The following PRRX2 variants were observed in gnomAD, a reference collection of about 807,000 sequenced individuals.
The protein encoded by PRRX2 is paired related homeobox 2.
In PRRX2, 11 loss-of-function variants were observed where a neutral mutation model predicts 18.0. The ratio of observed to expected loss-of-function variants is 0.61; its 90% CI spans 0.39 to 1.01. PRRX2 has a LOEUF of 1.01. Ranked by LOEUF, PRRX2 falls within the 50% of genes least tolerant of loss-of-function variation. The pLI, the probability that PRRX2 is intolerant of heterozygous loss-of-function variation, is 0.01. For missense variants in PRRX2, 387 were observed against 351.0 expected, an observed-to-expected ratio of 1.10 and a Z score of -0.82; for synonymous variants, 177 against 154.8, an observed-to-expected ratio of 1.14 and a Z score of -1.06.
chr9:129,703,064 T>G (rs1202114643), intron 1 of PRRX2, among the ~76,000 whole-genome samples: 1 of 152,180 alleles, frequency 6.6e-6, no homozygotes, highest in Non-Finnish European at 1.5e-5. Flanking sequence ...GGTTGGCTGT[T>G]GTGTGAGGAT....
intron 1 of PRRX2, among the ~76,000 whole-genome samples, chr9:129,711,630 A>G (rs1206268041): frequency 6.6e-6 from 1 of 151,820 alleles, no homozygotes; most frequent in Non-Finnish European, 1.5e-5. Context: ...GCTGGTCTCA[A>G]ACTCCTGACC....
chr9:129,682,394 G>A (rs1340356717), intron 1 of PRRX2, among the ~76,000 whole-genome samples: 1 of 152,086 alleles, frequency 6.6e-6, no homozygotes, highest in Non-Finnish European at 1.5e-5. Flanking sequence ...AGAGAGGAGG[G>A]GCTGAGGACC....
intron 1 of PRRX2, among the ~76,000 whole-genome samples, chr9:129,672,122 C>T (rs1832107304): frequency 6.6e-6 from 1 of 152,072 alleles, no homozygotes; most frequent in Non-Finnish European, 1.5e-5. Flanking sequence ...AGTGGCTCAC[C>T]CAGGGTGGAA....
chr9:129,705,428 C>T (rs955069376), intron 1 of PRRX2, among the ~76,000 whole-genome samples: 3 of 152,144 alleles, frequency 2.0e-5, no homozygotes, highest in African/African-American at 7.2e-5. Flanking sequence ...GATCCTGGCC[C>T]ACGGCAACCT....
At chr9:129,666,815 G>T (rs1464674944) in intron 1 of PRRX2, among the ~76,000 whole-genome samples, 2 of 152,202 alleles carry the variant, frequency 1.3e-5, no homozygotes, top group African/African-American at 4.8e-5. Context: ...CGGTTCAGTG[G>T]GGGAGGGGAG....
rs58405360 is a variant in PRRX2 at position 129,715,750 on chromosome 9, TCACA to T, written c.260-3441_260-3438del. Among the ~76,000 whole-genome samples the T allele has an allele frequency of 0.061, 8,492 of 138,762 alleles. 250 individuals are homozygous for T. Among genetic ancestry groups the T allele is most frequent in the Middle Eastern group, 0.12 (33 of 280 alleles). The allele number at this position is 138,762 out of a possible 152,430, so 91.0% of individuals were successfully genotyped here. On this transcript the variant is annotated intron_variant, in intron 1 of 3. Transcript: ENST00000372469. This position sits in a 1 kb window ranked among gnomAD's most constrained non-coding sequence, Gnocchi z 4.0. The stretch of plus-strand genomic sequence containing the variant: ...AAACCCAGCTTCAGGGACATCTTTC[TCACA>T]CACACACACACACACACACACACAC...
intron 1 of PRRX2, among the ~76,000 whole-genome samples, chr9:129,710,376 A>T (rs1832603444): frequency 6.6e-6 from 1 of 152,008 alleles, no homozygotes; most frequent in South Asian, 2.1e-4. Flanking sequence ...AGGACCCAAG[A>T]CCCTCCTTTG....
At position 129,715,750 on chromosome 9, in the gene PRRX2, T is replaced by TCTCTCTCTCTCACA. The variant is rs762929485; in HGVS notation, c.260-3480_260-3479insTCTCTCTCTCACAC. ...AAACCCAGCTTCAGGGACATCTTTC[T>TCTCTCTCTCTCACA]CACACACACACACACACACACACAC... On this transcript the variant is annotated intron_variant, in intron 1 of 3. Coordinates refer to ENST00000372469, the MANE Select transcript of PRRX2 (RefSeq NM_016307.4). This position sits in a 1 kb window ranked among gnomAD's most constrained non-coding sequence, Gnocchi z 4.0. 8.3e-3 allele frequency among the ~76,000 whole-genome samples: 1,154 copies of TCTCTCTCTCTCACA among 138,892 alleles called. 18 individuals are homozygous for TCTCTCTCTCTCACA. The highest frequency in any genetic ancestry group is 0.03 in the African/African-American group (1,090 of 36,860). The allele number at this position is 138,892 out of a possible 152,430, so 91.1% of individuals were successfully genotyped here. A position where few individuals can be genotyped will look rare whatever the true frequency, so the allele number is the denominator to read the frequency against.
At position 129,686,927 on chromosome 9, in the gene PRRX2, G is replaced by A. The variant is rs141269439; in HGVS notation, c.259+20801G>A. ...AATGCTAATGAAATCAGAGGAGCCC[G>A]GGTTGGGGGCAGGCCCTGGGCAGGG... is the stretch of plus-strand genomic sequence containing the variant. On this transcript the variant is annotated intron_variant, in intron 1 of 3. Coordinates refer to ENST00000372469, the MANE Select transcript of PRRX2 (RefSeq NM_016307.4). 8.8e-3 allele frequency among the ~76,000 whole-genome samples: 1,339 copies of A among 152,340 alleles called. 18 individuals are homozygous for A. The highest frequency in any genetic ancestry group is 0.03 in the African/African-American group (1,259 of 41,570).
At chr9:129,681,350 T>C (rs1273388594) in intron 1 of PRRX2, among the ~76,000 whole-genome samples, 1 of 152,020 alleles carries the variant, frequency 6.6e-6, no homozygotes, top group Admixed American at 6.6e-5. Context: ...CAAAACCCCG[T>C]CTCTATTAAA....
intron 1 of PRRX2, among the ~76,000 whole-genome samples, chr9:129,690,668 G>A (rs1832350259): frequency 6.6e-6 from 1 of 151,846 alleles, no homozygotes; most frequent in African/African-American, 2.4e-5. Flanking sequence ...CACCACTTCT[G>A]GCTAATTTTT....
In PRRX2 at chr9:129,691,050, C is replaced by T. The variant is rs1243212302; in HGVS notation, c.259+24924C>T. Among the ~76,000 whole-genome samples the T allele has an allele frequency of 2.0e-5, 3 of 151,718 alleles. No individual in the cohort carries two copies. The East Asian group carries it at 5.8e-4, about 30-fold the overall frequency. The stretch of plus-strand genomic sequence containing the variant: ...ATATTATTAAAAATTAAGGCCCGGA[C>T]ACAGTGGCTTATGCCTGTAATCCCA... On this transcript the variant is annotated intron_variant, in intron 1 of 3. Coordinates refer to ENST00000372469, the MANE Select transcript of PRRX2 (RefSeq NM_016307.4).
intron 1 of PRRX2, among the ~76,000 whole-genome samples, chr9:129,687,907 T>A (rs1832315260): frequency 6.6e-6 from 1 of 152,176 alleles, no homozygotes; most frequent in Non-Finnish European, 1.5e-5. Context: ...GAGAAAGGGC[T>A]TTCTGGAGGT....
chr9:129,683,879 A>G (rs1832263791), intron 1 of PRRX2, among the ~76,000 whole-genome samples: 1 of 152,170 alleles, frequency 6.6e-6, no homozygotes, highest in African/African-American at 2.4e-5. Flanking sequence ...TGCAGAGGTA[A>G]GGCTAAAGCC....
At chr9:129,706,765 A>G (rs1025977318) in intron 1 of PRRX2, among the ~76,000 whole-genome samples, 2 of 152,186 alleles carry the variant, frequency 1.3e-5, no homozygotes, top group African/African-American at 2.4e-5. Context: ...TGTGCAGTCC[A>G]GTGATTTTTT....
intron 1 of PRRX2, among the ~76,000 whole-genome samples, chr9:129,678,735 G>T (rs1167459068): frequency 6.6e-6 from 1 of 152,140 alleles, no homozygotes; most frequent in Non-Finnish European, 1.5e-5. Flanking sequence ...AAGAGCAGTG[G>T]GGATGCGTTC....
At chr9:129,685,729 C>T (rs1006579917) in intron 1 of PRRX2, among the ~76,000 whole-genome samples, 3 of 152,182 alleles carry the variant, frequency 2.0e-5, no homozygotes, top group African/African-American at 4.8e-5. Flanking sequence ...AGCTCCAGGG[C>T]CTTAGGTATT....
intron 1 of PRRX2, among the ~76,000 whole-genome samples, chr9:129,710,880 C>T (rs1233750369): frequency 2.0e-5 from 3 of 151,970 alleles, no homozygotes; most frequent in African/African-American, 7.2e-5. Context: ...TCTCCTCTAT[C>T]CTCCCTTCTC....
intron 1 of PRRX2, among the ~76,000 whole-genome samples, chr9:129,692,750 G>A (rs780328687): frequency 1.3e-5 from 2 of 152,086 alleles, no homozygotes; most frequent in Non-Finnish European, 2.9e-5. Context: ...TTTCAGTGCT[G>A]AGTAATATTC....
Sources: allele counts gnomAD v4.1 joint callset (sites outside exome capture counted in the v4.1 genomes callset), GRCh38; gene constraint gnomAD v4.1.1; non-coding constraint Gnocchi (gnomAD v3.1); transcripts MANE v1.5; gene names NCBI Gene and HGNC (gene_info 2026-07-23, HGNC 2026-07-21).